Variants in CSMD2 observed in about 807,000 individuals in gnomAD.
CSMD2 encodes the protein CUB and sushi domain-containing protein 2.
In CSMD2, 130 loss-of-function variants were observed where a neutral mutation model predicts 398.5. The observed-to-expected ratio is 0.33, with a 90% confidence interval of 0.28 to 0.38. The LOEUF is 0.38. Among genes scored for constraint, CSMD2 ranks in the 10% least tolerant of loss-of-function variants. The pLI is 1.00. For synonymous variants in CSMD2, 1,828 were observed against 1,908.5 expected (o/e 0.96, Z 1.10); for missense variants, 3,829 against 4,764.9 (o/e 0.80, Z 5.78).
intron 5 of CSMD2, among the ~76,000 whole-genome samples, chr1:33,874,541 A>C (rs1039273089): frequency 7.2e-5 from 11 of 152,200 alleles, no homozygotes; most frequent in African/African-American, 2.7e-4. Flanking sequence ...TGTATTTTGC[A>C]TGTGGGCCAG....
At chr1:33,552,798 T>C (rs1657584499) in intron 55 of CSMD2, among the ~76,000 whole-genome samples, 1 of 151,610 alleles carries the variant, frequency 6.6e-6, no homozygotes, top group Non-Finnish European at 1.5e-5. Flanking sequence ...CAATGGGGAG[T>C]GACTTTTAAG....
At chr1:33,959,155 T>A (rs1645265584) in intron 3 of CSMD2, among the ~76,000 whole-genome samples, 1 of 152,202 alleles carries the variant, frequency 6.6e-6, no homozygotes. Flanking sequence ...GAAAGGCGCC[T>A]GCTCTGAAGA....
intron 1 of CSMD2, among the ~76,000 whole-genome samples, chr1:34,153,160 G>A (rs569764354): frequency 6.6e-6 from 1 of 152,314 alleles, no homozygotes; most frequent in South Asian, 2.1e-4. Flanking sequence ...GGGACTACAG[G>A]TGCGCACCAA....
intron 3 of CSMD2, among the ~76,000 whole-genome samples, chr1:33,995,046 G>C (rs558703905): frequency 8.1e-5 from 12 of 149,038 alleles, no homozygotes; most frequent in Admixed American, 5.4e-4. Context: ...CCTGGCGACA[G>C]AGCAAGACTC....
chr1:33,792,412 A>G lies in CSMD2; in HGVS notation c.1550+11T>C. The G allele has an allele frequency of 6.2e-7, 1 of 1,600,964 alleles. No homozygotes were observed. The highest frequency in any genetic ancestry group is 8.6e-7 in the Non-Finnish European group (1 of 1,168,332). On this transcript the variant is annotated intron_variant, in intron 11 of 70. Coordinates refer to ENST00000373381, the MANE Select transcript of CSMD2 (RefSeq NM_001281956.2). ...TCCCACCTTCCAAACAACATGCCCC[A>G]CTGCACTTACATGTAGAGAACTGTC...
chr1:33,847,337 G>A (rs1379897426), intron 5 of CSMD2, among the ~76,000 whole-genome samples: 1 of 151,346 alleles, frequency 6.6e-6, no homozygotes, highest in Non-Finnish European at 1.5e-5. Context: ...ATATTCACCT[G>A]TAACGCTTTC....
At chr1:33,967,711 T>TG (rs1323433866) in intron 3 of CSMD2, among the ~76,000 whole-genome samples, 8 of 152,100 alleles carry the variant, frequency 5.3e-5, no homozygotes, top group Admixed American at 5.2e-4. Flanking sequence ...CCAATAGGTT[T>TG]GGGGGGCCTC....
At chr1:34,012,503 G>A (rs960954985) in intron 3 of CSMD2, among the ~76,000 whole-genome samples, 2 of 151,612 alleles carry the variant, frequency 1.3e-5, no homozygotes, top group Non-Finnish European at 1.5e-5. Context: ...GTACAATGGC[G>A]TGATCTTGGC....
intron 65 of CSMD2, 29 bp downstream of exon 65, chr1:33,527,167 C>T: frequency 6.2e-7 from 1 of 1,604,970 alleles, no homozygotes; most frequent in African/African-American, 1.3e-5. Context: ...ACACCAGTTT[C>T]TTGAGCCAAT....
At position 33,541,326 on chromosome 1, in the gene CSMD2, A is replaced by G; in HGVS notation, c.9278-17T>C. 6.2e-7 allele frequency: 1 copy of G among 1,610,086 alleles called. No individual in the cohort carries two copies. ...AGTTTATGACTAGGATAAGAGAGAT[A>G]TAGCATTGTTCACTCCTGGCCAGGA... On this transcript the variant is annotated splice_polypyrimidine_tract_variant and intron_variant, in intron 58 of 70. Coordinates refer to ENST00000373381, the MANE Select transcript of CSMD2 (RefSeq NM_001281956.2).
chr1:33,776,456 G>A (rs534744649), intron 12 of CSMD2, among the ~76,000 whole-genome samples: 1 of 152,300 alleles, frequency 6.6e-6, no homozygotes, highest in Admixed American at 6.5e-5. Flanking sequence ...TTTGCTGAAG[G>A]TGAGGGACAA....
intron 1 of CSMD2, among the ~76,000 whole-genome samples, chr1:34,108,798 C>A (rs1454585662): frequency 6.6e-6 from 1 of 152,096 alleles, no homozygotes; most frequent in African/African-American, 2.4e-5. Context: ...CAGACGGAAC[C>A]ACAGTAGAGG....
intron 13 of CSMD2, among the ~76,000 whole-genome samples, chr1:33,750,314 A>G (rs1648047333): frequency 6.6e-6 from 1 of 152,220 alleles, no homozygotes; most frequent in Non-Finnish European, 1.5e-5. Flanking sequence ...ATAATAGCAT[A>G]TAAGGTGCTA....
At chr1:33,992,665 G>A (rs920517835) in intron 3 of CSMD2, among the ~76,000 whole-genome samples, 7 of 151,380 alleles carry the variant, frequency 4.6e-5, no homozygotes, top group African/African-American at 1.2e-4. Context: ...TCAGGAGATC[G>A]AGACCATCCT....
chr1:33,918,056 G>A, intron 5 of CSMD2, 38 bp downstream of exon 5: 1 of 1,585,508 alleles, frequency 6.3e-7, no homozygotes. Flanking sequence ...CACAGTTGCA[G>A]AGAATAGGGT....
intron 53 of CSMD2, among the ~76,000 whole-genome samples, chr1:33,560,422 T>A (rs1282965461): frequency 6.6e-6 from 1 of 152,132 alleles, no homozygotes; most frequent in African/African-American, 2.4e-5. Flanking sequence ...TCCCTCTGAT[T>A]CCCCCTTTCT....
intron 3 of CSMD2, among the ~76,000 whole-genome samples, chr1:34,031,422 C>T (rs1193724809): frequency 6.6e-6 from 1 of 152,110 alleles, no homozygotes; most frequent in Non-Finnish European, 1.5e-5. Flanking sequence ...ACTTTAAGGA[C>T]AGGTCAGTCT....
At position 33,559,160 on chromosome 1, in the gene CSMD2, T is replaced by C. The variant is rs1237868375; in HGVS notation, c.8554+140A>G. ...ATCTAAGGGTTGAGAAAGTCCTCAT[T>C]TATGACCCTTCTCTGCTCCATCTTC... On this transcript the variant is annotated intron_variant, in intron 54 of 70. Transcript: ENST00000373381. This position sits in a 1 kb window ranked among gnomAD's most constrained non-coding sequence, Gnocchi z 4.0. The C allele has an allele frequency of 8.1e-6, 6 of 741,684 alleles. No individual in the cohort carries two copies. Among genetic ancestry groups the C allele is most frequent in the Non-Finnish European group, 1.3e-5 (6 of 477,618 alleles). The allele number at this position is 741,684 out of a possible 1,614,324, so 45.9% of individuals were successfully genotyped here. A position where few individuals can be genotyped will look rare whatever the true frequency, so the allele number is the denominator to read the frequency against.
At chr1:33,726,302 C>A (rs2149207917) in intron 16 of CSMD2, among the ~76,000 whole-genome samples, 1 of 152,298 alleles carries the variant, frequency 6.6e-6, no homozygotes, top group East Asian at 1.9e-4. Context: ...GGAGCTCTAA[C>A]ATCCCAAATG....
Sources: allele counts gnomAD v4.1 joint callset (sites outside exome capture counted in the v4.1 genomes callset), GRCh38; gene constraint gnomAD v4.1.1; non-coding constraint Gnocchi (gnomAD v3.1); transcripts MANE v1.5; gene names NCBI Gene and HGNC (gene_info 2026-07-23, HGNC 2026-07-21).